The following RFX3 variants were observed in gnomAD, a reference collection of about 807,000 sequenced individuals.
RFX3 encodes transcription factor RFX3.
A neutral mutation model predicts 98.6 loss-of-function variants in RFX3; 14 were observed. The ratio of observed to expected loss-of-function variants is 0.14; its 90% CI spans 0.09 to 0.22. The LOEUF (loss-of-function observed/expected upper bound fraction) is 0.22, where lower values mean the gene tolerates loss of function less well. RFX3 is among the 10% of genes least tolerant of loss of function. The pLI, the probability that RFX3 is intolerant of heterozygous loss-of-function variation, is 1.00. For synonymous variants in RFX3, 383 were observed against 328.4 expected (o/e 1.17, Z -1.80); for missense variants, 639 against 926.9 (o/e 0.69, Z 4.03).
chr9:3,493,532 A>G (rs1389956295), intron 1 of RFX3, among the ~76,000 whole-genome samples: 2 of 151,394 alleles, frequency 1.3e-5, no homozygotes, highest in Non-Finnish European at 2.9e-5. Context: ...AAAATACAAA[A>G]AATTTTCCGG....
chr9:3,233,329 A>T (rs1818726384), intron 15 of RFX3, among the ~76,000 whole-genome samples: 2 of 152,204 alleles, frequency 1.3e-5, no homozygotes, highest in African/African-American at 4.8e-5. Flanking sequence ...GAGGCCTAGT[A>T]TCTATACCTG....
chr9:3,247,799 A>T, intron 15 of RFX3: 1 of 1,605,660 alleles, frequency 6.2e-7, no homozygotes, highest in Non-Finnish European at 8.5e-7. Context: ...TAATATAGAG[A>T]CACATTCCAT....
intron 1 of RFX3, among the ~76,000 whole-genome samples, chr9:3,399,444 CAAAACAA>C (rs1841256281): frequency 6.6e-6 from 1 of 150,944 alleles, no homozygotes; most frequent in Non-Finnish European, 1.5e-5. Flanking sequence ...AACTCCGTCT[CAAAACAA>C]AAAACAAAAA....
intron 1 of RFX3, among the ~76,000 whole-genome samples, chr9:3,502,087 T>TA (rs750822802): frequency 3.9e-3 from 544 of 138,920 alleles, no homozygotes; most frequent in African/African-American, 9.3e-3. Flanking sequence ...CCGTCTCCAC[T>TA]AAAAAAAAAA....
chr9:3,251,925 C>T lies in RFX3; in HGVS notation c.1815-3740G>A, dbSNP rs536935996. 9.9e-5 allele frequency among the ~76,000 whole-genome samples: 15 copies of T among 151,880 alleles called. 2 individuals carry two copies. The highest frequency in any genetic ancestry group is 3.4e-4 in the African/African-American group (14 of 41,406). The stretch of plus-strand genomic sequence containing the variant: ...GTGCAATGGCATAATCTCAGCTCAC[C>T]GCAACCTCTGCCTCCCGGGTTCAAG... On this transcript the variant is annotated intron_variant, in intron 14 of 16. Transcript: ENST00000617270.
At chr9:3,258,422 A>G (rs1176304438) in intron 13 of RFX3, among the ~76,000 whole-genome samples, 2 of 152,128 alleles carry the variant, frequency 1.3e-5, no homozygotes, top group African/African-American at 2.4e-5. Context: ...ATCTCTCCTG[A>G]TCCTACAGAC....
intron 2 of RFX3, among the ~76,000 whole-genome samples, chr9:3,372,482 A>G (rs1488291827): frequency 1.3e-5 from 2 of 151,920 alleles, no homozygotes; most frequent in Admixed American, 6.6e-5. Context: ...TTAGTACCCA[A>G]ACTAACGCAG....
rs574118584 is a variant in RFX3, at chr9:3,503,976, C to T, written c.-9+21771G>A. Reference sequence around the variant, plus strand: ...TTACTTTTAACACTTCATGTGCACACGCTGTTCAATTTTTTAAGTGTTTCC... The same window carrying T: ...TTACTTTTAACACTTCATGTGCACATGCTGTTCAATTTTTTAAGTGTTTCC... On this transcript the variant is annotated intron_variant, in intron 1 of 16. Coordinates refer to ENST00000617270, the MANE Select transcript of RFX3 (RefSeq NM_001282116.2). Among the ~76,000 whole-genome samples, 233 of 151,226 alleles carry T rather than the reference C, an allele frequency of 1.5e-3. 1 individual carries two copies. Among genetic ancestry groups the T allele is most frequent in the African/African-American group, 5.2e-3 (216 of 41,268 alleles).
intron 1 of RFX3, chr9:3,489,573 G>T: frequency 4.8e-6 from 1 of 207,582 alleles, no homozygotes; most frequent in Non-Finnish European, 8.4e-6. Flanking sequence ...CTGTATCATT[G>T]GCTTAATTTC....
At chr9:3,406,925 G>A (rs935704921) in intron 1 of RFX3, among the ~76,000 whole-genome samples, 3 of 152,024 alleles carry the variant, frequency 2.0e-5, no homozygotes, top group Admixed American at 1.3e-4. Flanking sequence ...TCAAATGAAC[G>A]AATCAAGTCT....
intron 1 of RFX3, among the ~76,000 whole-genome samples, chr9:3,457,711 T>TA (rs1261545482): frequency 6.6e-6 from 1 of 152,192 alleles, no homozygotes; most frequent in Admixed American, 6.5e-5. Context: ...TTTTCTTACT[T>TA]ACGAGAATCA....
At chr9:3,404,607 G>A (rs566613983) in intron 1 of RFX3, among the ~76,000 whole-genome samples, 2 of 151,972 alleles carry the variant, frequency 1.3e-5, no homozygotes, top group African/African-American at 4.8e-5. Context: ...GTTATCCTAG[G>A]CTATCTCATA....
intron 1 of RFX3, among the ~76,000 whole-genome samples, chr9:3,411,028 T>C (rs1352826628): frequency 6.6e-6 from 1 of 152,220 alleles, no homozygotes; most frequent in Non-Finnish European, 1.5e-5. Flanking sequence ...AATGATATTC[T>C]TGTTGTACCA....
chr9:3,422,859 T>C (rs1421589664), intron 1 of RFX3, among the ~76,000 whole-genome samples: 1 of 152,148 alleles, frequency 6.6e-6, no homozygotes, highest in Admixed American at 6.5e-5. Flanking sequence ...GTAATTTCTA[T>C]ATAATTACAG....
chr9:3,442,061 G>C (rs139213079), intron 1 of RFX3, among the ~76,000 whole-genome samples: 7 of 151,900 alleles, frequency 4.6e-5, no homozygotes, highest in Admixed American at 1.3e-4. Flanking sequence ...TTAGCCAGGC[G>C]TGGTGGCACG....
intron 13 of RFX3, 152 bp from the exon 14 acceptor site, chr9:3,257,351 G>A (rs560138211): frequency 3.4e-5 from 22 of 655,278 alleles, no homozygotes; most frequent in African/African-American, 3.3e-4. Flanking sequence ...CTTGTCAATT[G>A]TTAGGGTAAC....
At chr9:3,475,177 G>A (rs1445121472) in intron 1 of RFX3, among the ~76,000 whole-genome samples, 6 of 151,996 alleles carry the variant, frequency 3.9e-5, no homozygotes, top group African/African-American at 1.4e-4. Context: ...AGTTATAAAT[G>A]GATGCTTATA....
At chr9:3,369,869 G>A (rs1000374732) in intron 2 of RFX3, among the ~76,000 whole-genome samples, 8 of 151,906 alleles carry the variant, frequency 5.3e-5, no homozygotes, top group Non-Finnish European at 8.8e-5. Flanking sequence ...TTGATCTGTC[G>A]CCCAGGCTGG....
chr9:3,230,846 T>C (rs1026839173), intron 15 of RFX3, among the ~76,000 whole-genome samples: 6 of 152,248 alleles, frequency 3.9e-5, no homozygotes, highest in Non-Finnish European at 8.8e-5. Context: ...CTATTGCTGA[T>C]CAATAATATC....
Sources: allele counts gnomAD v4.1 joint callset (sites outside exome capture counted in the v4.1 genomes callset), GRCh38; gene constraint gnomAD v4.1.1; transcripts MANE v1.5; gene names NCBI Gene and HGNC (gene_info 2026-07-23, HGNC 2026-07-21).